The following FMN1 variants were observed in gnomAD, a reference collection of about 807,000 sequenced individuals.
The protein encoded by FMN1 is formin-1.
In FMN1, 110 loss-of-function variants were observed where a neutral mutation model predicts 132.4. That is an observed-to-expected ratio of 0.83 (90% CI 0.71 to 0.97). FMN1 has a LOEUF of 0.97. FMN1 is among the 50% of genes least tolerant of loss of function. FMN1 has a pLI of 0.00. For synonymous variants in FMN1, 722 were observed against 651.7 expected (o/e 1.11, Z -1.64); for missense variants, 1,792 against 1,705.3 (o/e 1.05, Z -0.90).
intron 4 of FMN1, among the ~76,000 whole-genome samples, chr15:33,120,127 C>G (rs1221258712): frequency 6.6e-6 from 1 of 152,140 alleles, no homozygotes; most frequent in Non-Finnish European, 1.5e-5. Flanking sequence ...CATCTATTTC[C>G]AAGGACATAC....
At chr15:32,861,416 A>C (rs2059265426) in intron 16 of FMN1, among the ~76,000 whole-genome samples, 1 of 152,184 alleles carries the variant, frequency 6.6e-6, no homozygotes. Context: ...ATGAGGCCAT[A>C]TCATGGGGGT....
At position 32,875,287 on chromosome 15, in the gene FMN1, AC is replaced by A. The variant is rs2059612248; in HGVS notation, c.3835+12884del. On this transcript the variant is annotated intron_variant, in intron 16 of 20. Transcript: ENST00000616417. ...CAGGATCTGAATCCAGGGGTAACAG[AC>A]CCCCTGCCCTTATAATATGCCACCT... Among the ~76,000 whole-genome samples the A allele has an allele frequency of 2.6e-5, 4 of 151,926 alleles. No individual in the cohort carries two copies. In the South Asian group the frequency reaches 8.3e-4, roughly 32 times the overall value.
At chr15:32,831,289 G>A (rs747416194) in intron 17 of FMN1, among the ~76,000 whole-genome samples, 1 of 151,934 alleles carries the variant, frequency 6.6e-6, no homozygotes, top group Non-Finnish European at 1.5e-5. Flanking sequence ...TATGATCTCG[G>A]CTACTGCAAC....
intron 16 of FMN1, among the ~76,000 whole-genome samples, chr15:32,886,167 A>C (rs1279084769): frequency 6.6e-6 from 1 of 152,190 alleles, no homozygotes; most frequent in Non-Finnish European, 1.5e-5. Flanking sequence ...TATTTTCTTT[A>C]AATATTTACT....
chr15:33,187,186 T>C (rs1215456283), intron 2 of FMN1, among the ~76,000 whole-genome samples: 1 of 152,216 alleles, frequency 6.6e-6, no homozygotes, highest in Non-Finnish European at 1.5e-5. Flanking sequence ...TCCTTGTATT[T>C]TCCCCTTTGC....
chr15:32,970,440 GTCTT>G (rs911699317), intron 7 of FMN1, among the ~76,000 whole-genome samples: 5 of 152,090 alleles, frequency 3.3e-5, no homozygotes, highest in Admixed American at 6.5e-5. Flanking sequence ...TGACAGTATT[GTCTT>G]TCTATCTGTA....
Position 33,153,982 on chromosome 15 carries a change from A to T in FMN1, c.933T>A (p.Asp311Glu). Residue 311 changes from aspartate (D) to glutamate (E), a missense_variant, in exon 4 of 21, where the codon GAT (aspartate) becomes GAA (glutamate). Physicochemically the swap from Asp to Glu is conservative, Grantham distance 45. Around this residue, in one of 3 missense-constraint regions of FMN1, gnomAD observed 638 missense variants for 645.2 expected, o/e 0.99. Coordinates refer to ENST00000616417, the MANE Select transcript of FMN1 (RefSeq NM_001277313.2). The stretch of plus-strand genomic sequence containing the variant: ...TCCGCTTAGCCGGCTTCTCCATCTC[A>T]TCCTTTTCTGCCTCTGGATGCTTCT... ...DPEKHPEAEK[D>E]EMEKPAKRTC... The T allele has an allele frequency of 6.5e-7, 1 of 1,536,518 alleles. No homozygotes were observed. Among genetic ancestry groups the T allele is most frequent in the Non-Finnish European group, 8.7e-7 (1 of 1,146,990 alleles).
chr15:33,057,430 A>C (rs2037268444), intron 6 of FMN1, among the ~76,000 whole-genome samples: 1 of 152,192 alleles, frequency 6.6e-6, no homozygotes, highest in South Asian at 2.1e-4. Context: ...AAAGAAAGTC[A>C]GTGGTGCTGC....
rs543200849 is a variant in FMN1, at chr15:33,085,150, T to C, written c.2043+3649A>G. Among the ~76,000 whole-genome samples the C allele has an allele frequency of 3.9e-5, 6 of 152,308 alleles. No individual in the cohort carries two copies. In the South Asian group the frequency reaches 1.2e-3, roughly 32 times the overall value. On this transcript the variant is annotated intron_variant, in intron 5 of 20. Transcript: ENST00000616417. ...GTAAGCTATTGGGAAACAGGTGCTG[T>C]TTGGTTACATGAGTTAAGTTCTTTA...
intron 9 of FMN1, among the ~76,000 whole-genome samples, chr15:32,929,109 C>G (rs1424364936): frequency 6.6e-6 from 1 of 152,202 alleles, no homozygotes; most frequent in Non-Finnish European, 1.5e-5. Flanking sequence ...GGGACTAATG[C>G]CTTAAAACGT....
intron 9 of FMN1, among the ~76,000 whole-genome samples, chr15:32,956,782 C>A (rs1257697967): frequency 6.6e-6 from 1 of 152,166 alleles, no homozygotes; most frequent in African/African-American, 2.4e-5. Context: ...GAGAAATTAT[C>A]TTTGTACACC....
At chr15:32,813,173 T>C (rs931696923) in intron 17 of FMN1, among the ~76,000 whole-genome samples, 1 of 152,208 alleles carries the variant, frequency 6.6e-6, no homozygotes, top group Non-Finnish European at 1.5e-5. Flanking sequence ...CACCATTCTA[T>C]ATGAGAGACT....
At position 33,088,843 on chromosome 15, in the gene FMN1, C is replaced by T; in HGVS notation, c.1999G>A (p.Glu667Lys). ...GPACPFLLHEEREKSNRSELY... is the reference protein window; with the variant it reads ...GPACPFLLHEKREKSNRSELY... ...TCGCTCCTGTTTGACTTCTCCCTTTCCTCATGAAGCAAAAATGGACAGGCT... is the reference window on the plus strand; with the variant it reads ...TCGCTCCTGTTTGACTTCTCCCTTTTCTCATGAAGCAAAAATGGACAGGCT... Residue 667 changes from glutamate (E) to lysine (K), a missense_variant, in exon 5 of 21, where the codon GAA becomes AAA. Glu to Lys is a moderately conservative substitution (Grantham distance 56). Transcript: ENST00000616417. The T allele has an allele frequency of 1.3e-6, 2 of 1,535,964 alleles. No homozygotes were observed. The highest frequency in any genetic ancestry group is 2.0e-5 in the Admixed American group (1 of 50,988).
chr15:32,894,316 T>C (rs2060101804), intron 15 of FMN1, among the ~76,000 whole-genome samples: 1 of 151,726 alleles, frequency 6.6e-6, no homozygotes, highest in Non-Finnish European at 1.5e-5. Context: ...GAAACCCCGT[T>C]TCTGCTAAAA....
intron 17 of FMN1, among the ~76,000 whole-genome samples, chr15:32,833,919 G>A (rs2058564256): frequency 6.6e-6 from 1 of 152,132 alleles, no homozygotes; most frequent in African/African-American, 2.4e-5. Flanking sequence ...TCCTCCATAA[G>A]CCCAGACCTT....
chr15:32,999,654 G>A (rs1034394454), intron 7 of FMN1, among the ~76,000 whole-genome samples: 1 of 152,148 alleles, frequency 6.6e-6, no homozygotes. Context: ...GTGATAAATG[G>A]GGTAAACGAA....
chr15:33,146,629 G>A (rs75523586), intron 4 of FMN1, among the ~76,000 whole-genome samples: 2,184 of 152,176 alleles, frequency 0.014, 56 homozygotes, highest in African/African-American at 0.05. Flanking sequence ...TGAGCTGCCG[G>A]GGCACACAGA....
chr15:33,093,303 G>A (rs1418296886), intron 4 of FMN1, among the ~76,000 whole-genome samples: 1 of 152,184 alleles, frequency 6.6e-6, no homozygotes, highest in Non-Finnish European at 1.5e-5. Context: ...AGTTTTCTCA[G>A]CCGTGAATAT....
chr15:32,780,495 T>G (rs1391035172), intron 19 of FMN1, among the ~76,000 whole-genome samples: 1 of 152,240 alleles, frequency 6.6e-6, no homozygotes, highest in Non-Finnish European at 1.5e-5. Flanking sequence ...TTATTTAGCA[T>G]GTCATCAAAA....
Sources: allele counts gnomAD v4.1 joint callset (sites outside exome capture counted in the v4.1 genomes callset), GRCh38; gene constraint gnomAD v4.1.1; regional missense constraint gnomAD v4.1.1; transcripts MANE v1.5; gene names NCBI Gene and HGNC (gene_info 2026-07-23, HGNC 2026-07-21).